CGAS: variants seen among roughly 807,000 people sequenced by gnomAD.
CGAS encodes the protein 2'3'-cGAMP synthase.
In CGAS, 31 loss-of-function variants were observed where a neutral mutation model predicts 34.0. That is an observed-to-expected ratio of 0.91 (90% CI 0.69 to 1.23). The LOEUF is 1.23. Among genes scored for constraint, CGAS ranks in the 50% most tolerant of loss-of-function variants. The probability of loss-of-function intolerance (pLI) is 0.00; values close to 1 mark genes in which losing one functional copy is unlikely to be tolerated. For missense variants in CGAS, 597 were observed against 657.6 expected, an observed-to-expected ratio of 0.91 and a Z score of 1.01; for synonymous variants, 266 against 260.0, an observed-to-expected ratio of 1.02 and a Z score of -0.22.
In CGAS at chr6:73,425,472, A is replaced by G. The variant is rs1486650584; in HGVS notation, c.1324T>C (p.Phe442Leu). 1 of 1,614,068 alleles carries G rather than the reference A, an allele frequency of 6.2e-7. No homozygotes were observed. Among genetic ancestry groups the G allele is most frequent in the Admixed American group, 1.7e-5 (1 of 59,964 alleles). ...KFSSYHVKTA[F>L]FHVCTQNPQD... ...GGGTTCTGGGTACATACGTGAAAGAAGGCAGTTTTCACATGATAAGAAGAG... is the reference window on the plus strand; with the variant it reads ...GGGTTCTGGGTACATACGTGAAAGAGGGCAGTTTTCACATGATAAGAAGAG... Residue 442 changes from phenylalanine to leucine, a missense_variant, in exon 5 of 5, where the codon TTC becomes CTC. Phe to Leu is a conservative substitution (Grantham distance 22). This residue lies in a region of CGAS where 271 missense variants were observed against 324.1 expected (regional missense o/e 0.84). Transcript: ENST00000370315.
intron 4 of CGAS, among the ~76,000 whole-genome samples, chr6:73,426,468 T>A (rs1352661847): frequency 6.6e-6 from 1 of 151,676 alleles, no homozygotes; most frequent in Non-Finnish European, 1.5e-5. Flanking sequence ...ATTCTTAGCT[T>A]AAATATATTC....
At chr6:73,440,169 C>T in intron 3 of CGAS, 40 bp downstream of exon 3, 2 of 1,551,470 alleles carry the variant, frequency 1.3e-6, no homozygotes, top group South Asian at 2.3e-5. Flanking sequence ...ACATTAACAA[C>T]TCTTTTACTT....
chr6:73,446,108 C>T (rs538093651), intron 1 of CGAS, among the ~76,000 whole-genome samples: 1 of 152,080 alleles, frequency 6.6e-6, no homozygotes, highest in African/African-American at 2.4e-5. Context: ...GCGGGCGATT[C>T]ACCTGAGGTC....
intron 3 of CGAS, among the ~76,000 whole-genome samples, chr6:73,437,335 A>G (rs1160295592): frequency 1.3e-5 from 2 of 152,190 alleles, no homozygotes; most frequent in Non-Finnish European, 2.9e-5. Flanking sequence ...TTATAAATTT[A>G]TGAAACGAAT....
intron 4 of CGAS, among the ~76,000 whole-genome samples, chr6:73,428,213 A>G (rs1770121847): frequency 6.6e-6 from 1 of 151,648 alleles, no homozygotes; most frequent in Non-Finnish European, 1.5e-5. Flanking sequence ...GACAGAGTGA[A>G]AGTCTGTCTC....
chr6:73,444,015 A>G (rs1481939161), intron 2 of CGAS, among the ~76,000 whole-genome samples: 3 of 152,154 alleles, frequency 2.0e-5, no homozygotes, highest in Non-Finnish European at 2.9e-5. Context: ...TTTGAGACGG[A>G]GTCTTGCTCT....
chr6:73,452,094 C>T lies in CGAS; in HGVS notation c.88G>A (p.Ala30Thr). 1 of 1,584,418 alleles carries T rather than the reference C, an allele frequency of 6.3e-7. No individual in the cohort carries two copies. The highest frequency in any genetic ancestry group is 8.6e-7 in the Non-Finnish European group (1 of 1,166,004). The change falls in exon 1 of 5, where the codon GCC (alanine) becomes ACC (threonine). Residue 30 changes from alanine to threonine, a missense_variant. Physicochemically the swap from Ala to Thr is moderately conservative, Grantham distance 58 (BLOSUM62 0). Coordinates refer to ENST00000370315, the MANE Select transcript of CGAS (RefSeq NM_138441.3). Reference sequence around the variant, plus strand: ...GGAGACTCGGTGGGATCCATCGGGGCGCCCCTGGCATTCCGTGCGGAAGCC... The same window carrying T: ...GGAGACTCGGTGGGATCCATCGGGGTGCCCCTGGCATTCCGTGCGGAAGCC... ...PKASARNARG[A>T]PMDPTESPAA...
At chr6:73,445,969 T>A (rs1263264446) in intron 1 of CGAS, among the ~76,000 whole-genome samples, 1 of 152,188 alleles carries the variant, frequency 6.6e-6, no homozygotes, top group Non-Finnish European at 1.5e-5. Context: ...TTTTTTACCA[T>A]GACCTAGTAT....
chr6:73,452,140 C>A lies in CGAS; in HGVS notation c.42G>T (p.Glu14Asp). ...WHGKAMQRASEAGATAPKASA... is the reference protein window; with the variant it reads ...WHGKAMQRASDAGATAPKASA... ...AAGCCTTGGGGGCAGTGGCTCCGGCCTCGGAAGCTCTCTGCATGGCCTTTC... is the reference window on the plus strand; with the variant it reads ...AAGCCTTGGGGGCAGTGGCTCCGGCATCGGAAGCTCTCTGCATGGCCTTTC... The change falls in exon 1 of 5, where the codon GAG becomes GAT. Residue 14 changes from glutamate (E) to aspartate (D), a missense_variant. Around this residue, in one of 3 missense-constraint regions of CGAS, gnomAD observed 321 missense variants for 314.3 expected, o/e 1.02. Coordinates refer to ENST00000370315, the MANE Select transcript of CGAS (RefSeq NM_138441.3). The A allele has an allele frequency of 3.7e-6, 6 of 1,607,838 alleles. No individual in the cohort carries two copies. The highest frequency in any genetic ancestry group is 4.2e-6 in the Non-Finnish European group (5 of 1,177,910).
chr6:73,452,171 C>G lies in CGAS; in HGVS notation c.11G>C (p.Trp4Ser). The G allele has an allele frequency of 1.9e-6, 3 of 1,605,072 alleles. No individual in the cohort carries two copies. The South Asian group carries it at 3.3e-5, about 18-fold the overall frequency. Residue 4 changes from tryptophan (W) to serine (S), a missense_variant, in exon 1 of 5, where the codon TGG (tryptophan) becomes TCG (serine). Physicochemically the swap from Trp to Ser is radical, Grantham distance 177. This residue lies in a region of CGAS where 321 missense variants were observed against 314.3 expected (regional missense o/e 1.02). Coordinates refer to ENST00000370315, the MANE Select transcript of CGAS (RefSeq NM_138441.3). ...AGCTCTCTGCATGGCCTTTCCGTGC[C>G]AAGGCTGCATGGCTGGCGCTTTCTG... is the stretch of plus-strand genomic sequence containing the variant. MQP[W>S]HGKAMQRASE...
At chr6:73,428,071 T>A (rs1030593574) in intron 4 of CGAS, among the ~76,000 whole-genome samples, 42 of 152,106 alleles carry the variant, frequency 2.8e-4, no homozygotes, top group African/African-American at 9.4e-4. Context: ...AATTTTTTTT[T>A]AAATTAGCCG....
Position 73,451,856 on chromosome 6 carries a change from G to A in CGAS, c.326C>T (p.Ala109Val). The stretch of plus-strand genomic sequence containing the variant: ...CCTGGAAAGAGCCGGCTCCCGAGCC[G>A]CAGGAGGCTCCAGCCCCTCTGCCCC... Reference protein sequence around the residue: ...APGAEGLEPPAAREPALSRAG... With the variant: ...APGAEGLEPPVAREPALSRAG... Residue 109 changes from alanine (A) to valine (V), a missense_variant, in exon 1 of 5, where the codon GCG (alanine) becomes GTG (valine). Physicochemically the swap from Ala to Val is moderately conservative, Grantham distance 64. Transcript: ENST00000370315. 2 of 1,549,720 alleles carry A rather than the reference G, an allele frequency of 1.3e-6. No homozygotes were observed. The highest frequency in any genetic ancestry group is 2.4e-5 in the South Asian group (2 of 84,250).
rs188673475 is a variant in CGAS at position 73,427,510 on chromosome 6, G to A, written c.1217+1199C>T. Among the ~76,000 whole-genome samples, 274 of 152,042 alleles carry A rather than the reference G, an allele frequency of 1.8e-3. 3 individuals carry two copies. The highest frequency in any genetic ancestry group is 6.3e-3 in the African/African-American group (263 of 41,458). On this transcript the variant is annotated intron_variant, in intron 4 of 4. Coordinates refer to ENST00000370315, the MANE Select transcript of CGAS (RefSeq NM_138441.3). ...AGACGGGGTTTCGCCACGTAGGCCAGGCTGGTCTCGAATTCCTGACCTCAG... is the reference window on the plus strand; with the variant it reads ...AGACGGGGTTTCGCCACGTAGGCCAAGCTGGTCTCGAATTCCTGACCTCAG...
At chr6:73,429,696 G>A (rs1052222848) in intron 3 of CGAS, among the ~76,000 whole-genome samples, 2 of 151,796 alleles carry the variant, frequency 1.3e-5, no homozygotes, top group Non-Finnish European at 2.9e-5. Flanking sequence ...CGTGGTGGCG[G>A]GCGCCTGTAA....
At chr6:73,429,938 T>A (rs750499833) in intron 3 of CGAS, among the ~76,000 whole-genome samples, 7 of 152,136 alleles carry the variant, frequency 4.6e-5, no homozygotes, top group Non-Finnish European at 8.8e-5. Context: ...ATAATCTGAA[T>A]GATTTTTCAG....
In CGAS at chr6:73,451,646, A is replaced by T; in HGVS notation, c.536T>A (p.Ile179Asn). ...TTTCACCATCCCCGCCGCCGTGGAG[A>T]TATCATCGCGGCTGAGCTTCAACTT... The part of the protein sequence containing the change: ...LEKLKLSRDD[I>N]STAAGMVKGV... The change falls in exon 1 of 5, where the codon ATC becomes AAC. Residue 179 changes from isoleucine to asparagine, a missense_variant. Ile to Asn is a moderately radical substitution (Grantham distance 149, BLOSUM62 -3). Transcript: ENST00000370315. 6.2e-7 allele frequency: 1 copy of T among 1,614,092 alleles called. No individual in the cohort carries two copies.
chr6:73,440,295 C>T lies in CGAS; in HGVS notation c.1028G>A (p.Trp343Ter). Reference sequence around the variant, plus strand: ...TTGCTTCCTAACTTTTGCTGAAAGCCAGTTTTGAATGCGCAGGCCTTCTTG... The same window carrying T: ...TTGCTTCCTAACTTTTGCTGAAAGCTAGTTTTGAATGCGCAGGCCTTCTTG... ...STQEGLRIQN[W>*]LSAKVRKQLR... The change falls in exon 3 of 5, where the codon TGG becomes TAG. Residue 343 changes from tryptophan to a stop codon, truncating the protein, a stop_gained. Coordinates refer to ENST00000370315, the MANE Select transcript of CGAS (RefSeq NM_138441.3). LOFTEE classifies it high-confidence loss of function. 1 of 1,614,088 alleles carries T rather than the reference C, an allele frequency of 6.2e-7. No individual in the cohort carries two copies. The highest frequency in any genetic ancestry group is 8.5e-7 in the Non-Finnish European group (1 of 1,180,024).
intron 4 of CGAS, among the ~76,000 whole-genome samples, chr6:73,427,279 T>TTTA (rs751337813): frequency 8.7e-4 from 1 of 1,150 alleles, no homozygotes; most frequent in Admixed American, 0.012. Context: ...GCCAACTTAC[T>TTTA]TTATTTATTT....
At chr6:73,430,589 C>T (rs547967) in intron 3 of CGAS, among the ~76,000 whole-genome samples, 13,809 of 151,348 alleles carry the variant, frequency 0.091, 689 homozygotes, top group Non-Finnish European at 0.11. Context: ...TGCAGTGAGT[C>T]GAGATCACGC....
Sources: gnomAD v4.1 joint callset for allele counts (sites outside exome capture counted in the v4.1 genomes callset) on GRCh38, gnomAD v4.1.1 for gene constraint, gnomAD v4.1.1 regional missense constraint, MANE v1.5 for transcripts, NCBI Gene and HGNC (gene_info 2026-07-23, HGNC 2026-07-21) for gene names.